Variants in SLC4A5 observed in about 807,000 individuals in gnomAD.
SLC4A5 encodes the protein solute carrier family 4 member 5, also known as electrogenic sodium bicarbonate cotransporter 4.
SLC4A5 carries 96 observed loss-of-function variants against 120.4 expected under a neutral mutation model. The observed-to-expected ratio is 0.80, with a 90% confidence interval of 0.68 to 0.94. SLC4A5 has a LOEUF of 0.94. Among genes scored for constraint, SLC4A5 ranks in the 40% least tolerant of loss-of-function variants. The probability of loss-of-function intolerance (pLI) is 0.00; values close to 1 mark genes in which losing one functional copy is unlikely to be tolerated. For synonymous variants in SLC4A5, 550 were observed against 571.1 expected (o/e 0.96, Z 0.53); for missense variants, 1,259 against 1,459.5 (o/e 0.86, Z 2.24).
At chr2:74,251,943 G>C (rs1303394902) in intron 16 of SLC4A5, among the ~76,000 whole-genome samples, 1 of 152,186 alleles carries the variant, frequency 6.6e-6, no homozygotes, top group Non-Finnish European at 1.5e-5. Flanking sequence ...AGGCACCAAA[G>C]GATATCTAAG....
chr2:74,259,250 G>T (rs1251046477), intron 12 of SLC4A5, among the ~76,000 whole-genome samples: 1 of 152,142 alleles, frequency 6.6e-6, no homozygotes, highest in African/African-American at 2.4e-5. Flanking sequence ...CATCTTTAAA[G>T]GTGCTTGTGG....
chr2:74,234,951 G>A (rs1285562711), intron 22 of SLC4A5, 150 bp downstream of exon 22: 3 of 625,574 alleles, frequency 4.8e-6, no homozygotes. Context: ...ACTGGCTCCT[G>A]GGAGCCTGTG....
chr2:74,278,074 T>C (rs1048899923), intron 8 of SLC4A5, among the ~76,000 whole-genome samples: 2 of 152,190 alleles, frequency 1.3e-5, no homozygotes, highest in Admixed American at 6.5e-5. Context: ...TATATAAAAA[T>C]ATACATGAAT....
chr2:74,230,725 A>T (rs1480368246), intron 25 of SLC4A5, among the ~76,000 whole-genome samples: 1 of 152,108 alleles, frequency 6.6e-6, no homozygotes, highest in Non-Finnish European at 1.5e-5. Context: ...ATGATAAAAA[A>T]CTGCAGTATC....
intron 20 of SLC4A5, among the ~76,000 whole-genome samples, chr2:74,241,507 G>A (rs1315969116): frequency 3.3e-5 from 5 of 151,894 alleles, no homozygotes; most frequent in East Asian, 1.9e-4. Flanking sequence ...TTGGGAGGCC[G>A]AGGCCGGCAG....
chr2:74,236,333 T>A (rs1026342474), intron 21 of SLC4A5, among the ~76,000 whole-genome samples: 6 of 152,238 alleles, frequency 3.9e-5, no homozygotes, highest in Non-Finnish European at 7.3e-5. Context: ...TTTAAGCTCC[T>A]ATGGGTTTCC....
exon 31 of SLC4A5, chr2:74,216,285 G>GA (rs1303236098): frequency 1.3e-5 from 2 of 152,090 alleles, no homozygotes; most frequent in African/African-American, 2.4e-5. Flanking sequence ...GTTACAAGTG[G>GA]AAAAAATGAC....
intron 5 of SLC4A5, among the ~76,000 whole-genome samples, chr2:74,318,158 C>T (rs2104307205): frequency 2.6e-5 from 4 of 152,044 alleles, no homozygotes; most frequent in African/African-American, 9.6e-5. Context: ...GCACACTGCG[C>T]ATGTGACAAA....
At chr2:74,320,277 A>G (rs1210212055) in intron 5 of SLC4A5, among the ~76,000 whole-genome samples, 2 of 152,178 alleles carry the variant, frequency 1.3e-5, no homozygotes, top group Non-Finnish European at 2.9e-5. Context: ...AAAGATCTGG[A>G]AGAATTTTCT....
chr2:74,250,920 AAC>A, intron 16 of SLC4A5: 1 of 180,294 alleles, frequency 5.5e-6, no homozygotes, highest in Non-Finnish European at 1.2e-5. Context: ...CCCAGATTAT[AAC>A]AGATTCATTA....
At chr2:74,297,152 C>T (rs544603394) in intron 7 of SLC4A5, among the ~76,000 whole-genome samples, 2 of 152,144 alleles carry the variant, frequency 1.3e-5, no homozygotes, top group African/African-American at 2.4e-5. Context: ...TCAGTACCAA[C>T]GAGGGCAGCC....
chr2:74,225,011 AC>A lies in SLC4A5; in HGVS notation c.3091-17del. On this transcript the variant is annotated splice_polypyrimidine_tract_variant and intron_variant, in intron 27 of 30. Transcript: ENST00000394019. ...GGCCCAGGATCTGTGGTGGAGAGAGACTAAAGTTTTGTGAGAATTTGGAGAA... is the reference window on the plus strand; with the variant it reads ...GGCCCAGGATCTGTGGTGGAGAGAGATAAAGTTTTGTGAGAATTTGGAGAA... 1 of 1,596,238 alleles carries A rather than the reference AC, an allele frequency of 6.3e-7. No individual in the cohort carries two copies.
At chr2:74,319,535 A>G (rs1449744426) in intron 5 of SLC4A5, 1 of 152,220 alleles carries the variant, frequency 6.6e-6, no homozygotes, top group Non-Finnish European at 1.5e-5. Context: ...TTTGTTTAAT[A>G]TAGTTGCTTT....
At position 74,290,178 on chromosome 2, in the gene SLC4A5, G is replaced by C. The variant is rs572246053; in HGVS notation, c.272-4276C>G. 23 of 985,568 alleles carry C rather than the reference G, an allele frequency of 2.3e-5. No individual in the cohort carries two copies. In the Middle Eastern group the frequency reaches 1.6e-3, roughly 67 times the overall value. The allele number at this position is 985,568 out of a possible 1,614,324, so 61.1% of individuals were successfully genotyped here. On this transcript the variant is annotated intron_variant, in intron 7 of 30. Transcript: ENST00000394019. ...GGCCAGACAAGAAGGCAAATAAATG[G>C]ACAGGTCCTGGAGAGAGGAGACAGG...
At chr2:74,234,196 T>C (rs1050319666) in intron 22 of SLC4A5, among the ~76,000 whole-genome samples, 5 of 151,750 alleles carry the variant, frequency 3.3e-5, no homozygotes, top group Admixed American at 1.3e-4. Flanking sequence ...TTTTTGTTTT[T>C]GAGACAGAGT....
intron 7 of SLC4A5, 127 bp from the exon 8 acceptor site, chr2:74,286,029 C>A: frequency 8.7e-7 from 1 of 1,150,810 alleles, no homozygotes; most frequent in Non-Finnish European, 1.2e-6. Context: ...AAACTAAGTC[C>A]AGCTCCTGGG....
At chr2:74,258,115 A>G (rs913806658) in intron 12 of SLC4A5, among the ~76,000 whole-genome samples, 4 of 152,234 alleles carry the variant, frequency 2.6e-5, no homozygotes, top group African/African-American at 9.6e-5. Flanking sequence ...TCTGCACTGC[A>G]GAGTCACTGC....
At chr2:74,218,431 T>C (rs568427339) in exon 31 of SLC4A5, 19 of 152,356 alleles carry the variant, frequency 1.2e-4, no homozygotes, top group African/African-American at 4.3e-4. Flanking sequence ...ATATTTAGCT[T>C]TAGGTATTTT....
At chr2:74,290,658 A>AAG (rs1030612954) in intron 7 of SLC4A5, 25 of 875,164 alleles carry the variant, frequency 2.9e-5, no homozygotes, top group East Asian at 1.9e-4. Flanking sequence ...AGAAGTGAGC[A>AAG]AGAGAGAGAG....
Sources: gnomAD v4.1 joint callset for allele counts (sites outside exome capture counted in the v4.1 genomes callset) on GRCh38, gnomAD v4.1.1 for gene constraint, MANE v1.5 for transcripts, NCBI Gene and HGNC (gene_info 2026-07-23, HGNC 2026-07-21) for gene names.